PTGFR: variants seen among roughly 807,000 people sequenced by gnomAD.
PTGFR encodes the protein prostaglandin F receptor, also known as prostaglandin F2-alpha receptor.
Under a neutral mutation model 26.2 loss-of-function variants are expected in PTGFR, and 15 were observed. The observed-to-expected ratio is 0.57, with a 90% CI of 0.38 to 0.88. The LOEUF (loss-of-function observed/expected upper bound fraction) is 0.88, where lower values mean the gene tolerates loss of function less well. PTGFR is among the 40% of genes least tolerant of loss of function. The probability of loss-of-function intolerance (pLI) is 0.00; values close to 1 mark genes in which losing one functional copy is unlikely to be tolerated. For synonymous variants in PTGFR, 165 were observed against 151.1 expected (o/e 1.09, Z -0.68); for missense variants, 369 against 427.2 (o/e 0.86, Z 1.20).
chr1:78,511,869 T>C (rs1382579180), intron 2 of PTGFR, among the ~76,000 whole-genome samples: 1 of 152,202 alleles, frequency 6.6e-6, no homozygotes, highest in Non-Finnish European at 1.5e-5. Flanking sequence ...GAAGCAGCCA[T>C]GCCACATCTT....
intron 2 of PTGFR, among the ~76,000 whole-genome samples, chr1:78,513,912 C>T (rs573270564): frequency 6.6e-6 from 1 of 152,372 alleles, no homozygotes; most frequent in Non-Finnish European, 1.5e-5. Context: ...GCCTTAGCAT[C>T]TTCCGTATGG....
intron 2 of PTGFR, among the ~76,000 whole-genome samples, chr1:78,518,401 GT>G (rs1650142240): frequency 1.3e-5 from 2 of 151,678 alleles, no homozygotes; most frequent in African/African-American, 4.8e-5. Flanking sequence ...TTTGGCTTTG[GT>G]TTTGCACAGC....
rs745990444 is a variant in PTGFR at position 78,493,322 on chromosome 1, C to A, written c.579C>A (p.Ile193=). The A allele has an allele frequency of 1.9e-6, 3 of 1,614,034 alleles. No homozygotes were observed. In the African/African-American group the frequency reaches 4.0e-5, roughly 22 times the overall value. ...GGTGTTTCTACAACACAGAAGACATCAAAGACTGGGAAGATAGATTTTATC... is the reference window on the plus strand; with the variant it reads ...GGTGTTTCTACAACACAGAAGACATAAAAGACTGGGAAGATAGATTTTATC... The part of the protein sequence containing the change: ...RTWCFYNTED[I]KDWEDRFYLL... Residue 193 remains isoleucine, a synonymous_variant, in exon 2 of 3, where the codon ATC becomes ATA. Coordinates refer to ENST00000370757, the MANE Select transcript of PTGFR (RefSeq NM_000959.4).
intron 2 of PTGFR, among the ~76,000 whole-genome samples, chr1:78,515,583 GT>G (rs1163863037): frequency 2.0e-5 from 3 of 152,076 alleles, no homozygotes; most frequent in East Asian, 1.9e-4. Context: ...TCAAATCTGA[GT>G]TTTTTTATTG....
intron 2 of PTGFR, among the ~76,000 whole-genome samples, chr1:78,514,386 C>G (rs1650044020): frequency 6.6e-6 from 1 of 152,164 alleles, no homozygotes; most frequent in African/African-American, 2.4e-5. Flanking sequence ...TAATGACTGG[C>G]TGCTGGGTTT....
chr1:78,495,617 G>A (rs914479220), intron 2 of PTGFR, among the ~76,000 whole-genome samples: 1 of 152,154 alleles, frequency 6.6e-6, no homozygotes, highest in African/African-American at 2.4e-5. Context: ...GACAACTGAG[G>A]TAATCACTTG....
intron 2 of PTGFR, among the ~76,000 whole-genome samples, chr1:78,517,353 T>A (rs1021703142): frequency 2.6e-5 from 4 of 152,098 alleles, no homozygotes; most frequent in Non-Finnish European, 4.4e-5. Flanking sequence ...AAGGTGGTGG[T>A]TGAAGTGGGG....
At chr1:78,491,506 C>G (rs546436607) in intron 1 of PTGFR, among the ~76,000 whole-genome samples, 54 of 152,332 alleles carry the variant, frequency 3.5e-4, no homozygotes, top group African/African-American at 1.3e-3. Context: ...CTCGCCGTTG[C>G]GGGGTTCCCT....
chr1:78,517,474 A>T (rs1304463330), intron 2 of PTGFR, among the ~76,000 whole-genome samples: 1 of 152,316 alleles, frequency 6.6e-6, no homozygotes, highest in Non-Finnish European at 1.5e-5. Context: ...ATTTTAGATT[A>T]GATATTCAAG....
intron 2 of PTGFR, among the ~76,000 whole-genome samples, chr1:78,495,010 A>G (rs1023152053): frequency 3.9e-5 from 6 of 152,224 alleles, no homozygotes; most frequent in Non-Finnish European, 8.8e-5. Context: ...TTTATTTTAC[A>G]AAGGGAGTTC....
intron 2 of PTGFR, among the ~76,000 whole-genome samples, chr1:78,526,668 G>T (rs1004526950): frequency 2.6e-5 from 4 of 152,034 alleles, no homozygotes; most frequent in African/African-American, 9.7e-5. Flanking sequence ...TCATTGTTTA[G>T]CAAGTGACAA....
intron 2 of PTGFR, among the ~76,000 whole-genome samples, chr1:78,511,454 G>A (rs1040767564): frequency 1.7e-4 from 26 of 152,170 alleles, no homozygotes; most frequent in Admixed American, 1.7e-3. Flanking sequence ...TTTACCTGAG[G>A]CCCTTTGAGC....
chr1:78,500,387 G>A (rs781770906), intron 2 of PTGFR, among the ~76,000 whole-genome samples: 77 of 152,206 alleles, frequency 5.1e-4, no homozygotes, highest in Non-Finnish European at 1.1e-3. Flanking sequence ...TTTCTCAAGG[G>A]AATTTCCTTT....
intron 2 of PTGFR, chr1:78,497,971 C>T (rs2100352421): frequency 6.7e-7 from 1 of 1,499,272 alleles, no homozygotes; most frequent in Non-Finnish European, 9.2e-7. Context: ...AATGTGTTCT[C>T]TTGCAAATGT....
chr1:78,526,671 A>G (rs1014559836), intron 2 of PTGFR, among the ~76,000 whole-genome samples: 1 of 152,124 alleles, frequency 6.6e-6, no homozygotes, highest in African/African-American at 2.4e-5. Flanking sequence ...TTGTTTAGCA[A>G]GTGACAAGTG....
At chr1:78,525,756 A>G (rs1650355898) in intron 2 of PTGFR, among the ~76,000 whole-genome samples, 1 of 152,050 alleles carries the variant, frequency 6.6e-6, no homozygotes, top group South Asian at 2.1e-4. Flanking sequence ...GAGTCACCAC[A>G]TTAACAGAAA....
At chr1:78,515,912 A>T (rs1650081934) in intron 2 of PTGFR, among the ~76,000 whole-genome samples, 1 of 152,226 alleles carries the variant, frequency 6.6e-6, no homozygotes, top group Admixed American at 6.5e-5. Context: ...CACCACAAAT[A>T]AAATTGGTGA....
intron 2 of PTGFR, among the ~76,000 whole-genome samples, 164 bp from the exon 3 acceptor site, chr1:78,536,241 TC>T (rs1650650278): frequency 6.6e-6 from 1 of 152,140 alleles, no homozygotes; most frequent in Admixed American, 6.6e-5. Context: ...TTCATTTGTC[TC>T]CATCAGTGTT....
chr1:78,534,667 C>A (rs1276865580), intron 2 of PTGFR, among the ~76,000 whole-genome samples: 1 of 151,484 alleles, frequency 6.6e-6, no homozygotes, highest in Non-Finnish European at 1.5e-5. Context: ...ACACTCCAGG[C>A]TTTTTTCTAT....
Sources: gnomAD v4.1 joint callset for allele counts (sites outside exome capture counted in the v4.1 genomes callset) on GRCh38, gnomAD v4.1.1 for gene constraint, MANE v1.5 for transcripts, NCBI Gene and HGNC (gene_info 2026-07-23, HGNC 2026-07-21) for gene names.